USP7: variants seen among roughly 807,000 people sequenced by gnomAD.
The protein encoded by USP7 is ubiquitin specific peptidase 7, also known as ubiquitin C-terminal hydrolase 7.
USP7 carries 9 observed loss-of-function variants against 162.9 expected under a neutral mutation model. The ratio of observed to expected loss-of-function variants is 0.06; its 90% CI spans 0.03 to 0.10. The LOEUF is 0.10. USP7 is among the 10% of genes least tolerant of loss of function. USP7 has a pLI of 1.00. For synonymous variants in USP7, 562 were observed against 475.9 expected, an observed-to-expected ratio of 1.18 and a Z score of -2.35; for missense variants, 715 against 1,373.7, an observed-to-expected ratio of 0.52 and a Z score of 7.58.
rs148347100 is a variant in USP7, at chr16:8,898,753, A to G, written c.2532-114T>C. 6 of 832,626 alleles carry G rather than the reference A, an allele frequency of 7.2e-6. No homozygotes were observed. The East Asian group carries it at 1.6e-4, about 22-fold the overall frequency. The allele number at this position is 832,626 out of a possible 1,614,324, so 51.6% of individuals were successfully genotyped here. A position where few individuals can be genotyped will look rare whatever the true frequency, so the allele number is the denominator to read the frequency against. ...CCTTACACCTGGTCTTGAAATTTGG[A>G]CCTAGCATGGGGTTTAACTTAATAC... On this transcript the variant is annotated intron_variant, in intron 23 of 30. Coordinates refer to ENST00000344836, the MANE Select transcript of USP7 (RefSeq NM_003470.3).
At chr16:8,918,077 A>G (rs544112696) in intron 6 of USP7, among the ~76,000 whole-genome samples, 99 of 152,268 alleles carry the variant, frequency 6.5e-4, no homozygotes, top group African/African-American at 1.9e-3. Context: ...GGCATGAGCC[A>G]CTGCGCCCAG....
chr16:8,917,816 G>C (rs1897456975), intron 6 of USP7, among the ~76,000 whole-genome samples: 2 of 151,760 alleles, frequency 1.3e-5, no homozygotes, highest in Non-Finnish European at 2.9e-5. Flanking sequence ...TTGAGACGGA[G>C]TCTTGCTCTG....
At position 8,894,911 on chromosome 16, in the gene USP7, G is replaced by A. The variant is rs371990829; in HGVS notation, c.3040-56C>T. The A allele has an allele frequency of 2.4e-4, 394 of 1,613,888 alleles. No individual in the cohort carries two copies. In the African/African-American group the frequency reaches 4.4e-3, roughly 18 times the overall value. On this transcript the variant is annotated intron_variant, in intron 28 of 30. Coordinates refer to ENST00000344836, the MANE Select transcript of USP7 (RefSeq NM_003470.3). ...GTCACTCCCAGCACCCCCAGGCCAC[G>A]TCACGTGGCAGCCGCCAAAACCAAC...
chr16:8,908,348 T>C lies in USP7; in HGVS notation c.1264A>G (p.Asn422Asp). ...DPQTDQNIKINDRFEFPEQLP... is the reference protein window; with the variant it reads ...DPQTDQNIKIDDRFEFPEQLP... ...TATCCCACTATAGATTACCTATCAT[T>C]GATCTTGATATTTTGGTCCGTCTGA... The change falls in exon 12 of 31, where the codon AAT becomes GAT. Residue 422 changes from asparagine to aspartate, a missense_variant. Around this residue, in one of 11 missense-constraint regions of USP7, gnomAD observed 31 missense variants for 135.9 expected, o/e 0.23. Coordinates refer to ENST00000344836, the MANE Select transcript of USP7 (RefSeq NM_003470.3). 6.2e-7 allele frequency: 1 copy of C among 1,611,232 alleles called. No individual in the cohort carries two copies. The highest frequency in any genetic ancestry group is 8.5e-7 in the Non-Finnish European group (1 of 1,177,436).
At chr16:8,960,855 T>C (rs972634111) in intron 1 of USP7, among the ~76,000 whole-genome samples, 1 of 152,214 alleles carries the variant, frequency 6.6e-6, no homozygotes, top group African/African-American at 2.4e-5. Context: ...ACAAGTAGCT[T>C]TTTAAACCAC....
intron 30 of USP7, 21 bp downstream of exon 30, chr16:8,894,529 C>CGGGG (rs3214650): frequency 1.3e-6 from 2 of 1,487,766 alleles, no homozygotes; most frequent in Admixed American, 1.8e-5. Context: ...CACCAGCCCC[C>CGGGG]GGGGGGGGGA....
At chr16:8,895,765 A>T (rs2061671419) in intron 26 of USP7, 24 bp from the exon 27 acceptor site, 2 of 1,497,542 alleles carry the variant, frequency 1.3e-6, no homozygotes, top group South Asian at 2.4e-5. Context: ...AAAAAAAAAT[A>T]GGGCAAAATG....
At chr16:8,940,403 G>C (rs141622349) in intron 1 of USP7, among the ~76,000 whole-genome samples, 5 of 152,142 alleles carry the variant, frequency 3.3e-5, no homozygotes, top group African/African-American at 1.2e-4. Flanking sequence ...AGAACTCTTC[G>C]GCTTCTTGAA....
chr16:8,920,490 A>G (rs1399517793), intron 4 of USP7, 43 bp from the exon 5 acceptor site: 4 of 1,528,818 alleles, frequency 2.6e-6, no homozygotes, highest in Non-Finnish European at 3.6e-6. Context: ...ATAAGAACAC[A>G]CATTTTATTC....
At chr16:8,921,790 G>C (rs1022155735) in intron 3 of USP7, among the ~76,000 whole-genome samples, 6 of 152,178 alleles carry the variant, frequency 3.9e-5, no homozygotes, top group African/African-American at 1.4e-4. Flanking sequence ...AACCACAAGA[G>C]AACTACTGTA....
chr16:8,926,140 C>A (rs1293186696), intron 2 of USP7, among the ~76,000 whole-genome samples: 1 of 134,950 alleles, frequency 7.4e-6, no homozygotes, highest in Non-Finnish European at 1.5e-5. Context: ...GGCGACAGAG[C>A]GAGACTCCGT....
intron 1 of USP7, among the ~76,000 whole-genome samples, chr16:8,959,483 G>A (rs749402935): frequency 1.3e-5 from 2 of 152,082 alleles, no homozygotes; most frequent in Non-Finnish European, 2.9e-5. Flanking sequence ...CTGGGGAATC[G>A]CTTTGAATCA....
intron 2 of USP7, among the ~76,000 whole-genome samples, chr16:8,928,413 T>C (rs969042041): frequency 6.6e-6 from 1 of 152,220 alleles, no homozygotes; most frequent in Non-Finnish European, 1.5e-5. Context: ...AAGCAATTTA[T>C]GCTGCTTCTG....
chr16:8,919,151 G>A lies in USP7; in HGVS notation c.612-12C>T, dbSNP rs1849332403. ...TCTTTGAATCCCACCTGAAAGATCA[G>A]TTCAAGGTTGAGGGGATCTTGCAGA... On this transcript the variant is annotated splice_polypyrimidine_tract_variant and intron_variant, in intron 5 of 30. Coordinates refer to ENST00000344836, the MANE Select transcript of USP7 (RefSeq NM_003470.3). 2 of 1,613,578 alleles carry A rather than the reference G, an allele frequency of 1.2e-6. No individual in the cohort carries two copies. Among genetic ancestry groups the A allele is most frequent in the South Asian group, 2.2e-5 (2 of 91,070 alleles).
At chr16:8,902,313 G>A (rs1448178925) in intron 17 of USP7, 68 bp downstream of exon 17, 8 of 1,578,830 alleles carry the variant, frequency 5.1e-6, no homozygotes, top group Non-Finnish European at 6.9e-6. Flanking sequence ...GAAACAAGCT[G>A]CACTAAGTGC....
At chr16:8,900,681 A>T in intron 20 of USP7, 51 bp from the exon 21 acceptor site, 2 of 1,314,820 alleles carry the variant, frequency 1.5e-6, no homozygotes, top group East Asian at 2.3e-5. Context: ...CTAACGTTTA[A>T]TATGGCCAGA....
intron 25 of USP7, among the ~76,000 whole-genome samples, chr16:8,898,131 G>C (rs919642836): frequency 6.6e-6 from 1 of 152,152 alleles, no homozygotes; most frequent in Non-Finnish European, 1.5e-5. Context: ...CAGAAGGGAA[G>C]GGTTGGCTGC....
At chr16:8,904,700 T>C (rs1596359489) in intron 14 of USP7, 135 bp from the exon 15 acceptor site, 1 of 1,341,718 alleles carries the variant, frequency 7.5e-7, no homozygotes, top group East Asian at 2.6e-5. Context: ...CCCAGCACTT[T>C]GGGAGGCTGA....
intron 1 of USP7, among the ~76,000 whole-genome samples, chr16:8,945,507 C>T (rs994338151): frequency 3.3e-5 from 5 of 152,190 alleles, no homozygotes; most frequent in African/African-American, 1.2e-4. Flanking sequence ...AACCAACAGA[C>T]ACCTTGAACA....
Sources: allele counts gnomAD v4.1 joint callset (sites outside exome capture counted in the v4.1 genomes callset), GRCh38; gene constraint gnomAD v4.1.1; regional missense constraint gnomAD v4.1.1; transcripts MANE v1.5; gene names NCBI Gene and HGNC (gene_info 2026-07-23, HGNC 2026-07-21).